The following COL22A1 variants were observed in gnomAD, a reference collection of about 807,000 sequenced individuals.
COL22A1 encodes the protein collagen alpha-1(XXII) chain.
Under a neutral mutation model 248.9 loss-of-function variants are expected in COL22A1, and 221 were observed. That is an observed-to-expected ratio of 0.89 (90% CI 0.80 to 0.99). The LOEUF (loss-of-function observed/expected upper bound fraction) is 0.99. COL22A1 is among the 50% of genes least tolerant of loss of function. The pLI, the probability that COL22A1 is intolerant of heterozygous loss-of-function variation, is 0.00. For missense variants in COL22A1, 2,240 were observed against 2,179.0 expected (o/e 1.03, Z -0.56); for synonymous variants, 891 against 793.4 (o/e 1.12, Z -2.07).
chr8:138,737,408 A>T, intron 23 of COL22A1, 116 bp downstream of exon 23: 1 of 744,026 alleles, frequency 1.3e-6, no homozygotes, highest in Middle Eastern at 2.7e-4. Context: ...TCTTTTTAAT[A>T]GTTTGATGAG....
intron 23 of COL22A1, among the ~76,000 whole-genome samples, chr8:138,732,105 G>C (rs1830754224): frequency 6.6e-6 from 1 of 152,098 alleles, no homozygotes; most frequent in Non-Finnish European, 1.5e-5. Flanking sequence ...TGGCATTTGG[G>C]TTTTCTAGGA....
At chr8:138,692,270 T>TTGTGGAGGTGTGTGTA (rs1827104402) in intron 35 of COL22A1, among the ~76,000 whole-genome samples, 1 of 42,958 alleles carries the variant, frequency 2.3e-5, no homozygotes, top group Non-Finnish European at 4.1e-5. Flanking sequence ...GTGTGCATGT[T>TTGTGGAGGTGTGTGTA]TGTGTGCACA....
chr8:138,894,535 G>A (rs1323125559), intron 1 of COL22A1, among the ~76,000 whole-genome samples: 2 of 152,180 alleles, frequency 1.3e-5, no homozygotes, highest in African/African-American at 2.4e-5. Context: ...AAATACTGAG[G>A]TAAATTTGAG....
At chr8:138,733,482 G>T (rs1830861976) in intron 23 of COL22A1, among the ~76,000 whole-genome samples, 1 of 152,154 alleles carries the variant, frequency 6.6e-6, no homozygotes. Flanking sequence ...TTAAATGAGG[G>T]TAAGCAATTT....
chr8:138,626,166 T>A, intron 51 of COL22A1, 24 bp downstream of exon 51: 1 of 1,573,486 alleles, frequency 6.4e-7, no homozygotes. Context: ...TTTTTGTTTG[T>A]TTGTTTTTAT....
At chr8:138,902,642 G>T (rs567177344) in intron 1 of COL22A1, among the ~76,000 whole-genome samples, 3 of 151,500 alleles carry the variant, frequency 2.0e-5, no homozygotes, top group South Asian at 2.1e-4. Context: ...GGAGGCAGAG[G>T]TTGCAGTGAG....
At chr8:138,692,270 T>TTGTGGAGGTGTG (rs1827104402) in intron 35 of COL22A1, among the ~76,000 whole-genome samples, 1 of 43,038 alleles carries the variant, frequency 2.3e-5, no homozygotes, top group Non-Finnish European at 4.1e-5. Context: ...GTGTGCATGT[T>TTGTGGAGGTGTG]TGTGTGCACA....
chr8:138,865,625 G>T (rs1822813251), intron 3 of COL22A1, among the ~76,000 whole-genome samples: 3 of 150,462 alleles, frequency 2.0e-5, no homozygotes, highest in African/African-American at 7.3e-5. Flanking sequence ...GTGTGTGAGT[G>T]TATGTGTATG....
At chr8:138,691,483 G>A (rs928589592) in intron 35 of COL22A1, among the ~76,000 whole-genome samples, 1 of 150,852 alleles carries the variant, frequency 6.6e-6, no homozygotes, top group East Asian at 2.0e-4. Flanking sequence ...GTTTGTGGAG[G>A]TATGTGTATG....
At chr8:138,776,124 A>C in intron 15 of COL22A1, 114 bp from the exon 16 acceptor site, 2 of 1,001,716 alleles carry the variant, frequency 2.0e-6, no homozygotes, top group Non-Finnish European at 3.2e-6. Context: ...GGTGGCAGGG[A>C]TGGTGATAGT....
chr8:138,871,024 T>A (rs1823297955), intron 3 of COL22A1, among the ~76,000 whole-genome samples: 1 of 151,888 alleles, frequency 6.6e-6, no homozygotes, highest in African/African-American at 2.4e-5. Context: ...GGTGGGAGTG[T>A]GGCCTGGAAG....
At chr8:138,821,437 C>A (rs1352327977) in intron 6 of COL22A1, 26 bp from the exon 7 acceptor site, 2 of 1,600,080 alleles carry the variant, frequency 1.2e-6, no homozygotes, top group Non-Finnish European at 1.7e-6. Context: ...CCAGAGACTC[C>A]TTGAGCTTCT....
intron 11 of COL22A1, among the ~76,000 whole-genome samples, chr8:138,798,906 C>T (rs912629669): frequency 6.6e-6 from 1 of 152,144 alleles, no homozygotes; most frequent in African/African-American, 2.4e-5. Context: ...TGCCTTCAGC[C>T]ATTATTTGTT....
chr8:138,726,080 A>G (rs1483769069), intron 23 of COL22A1, among the ~76,000 whole-genome samples: 1 of 152,154 alleles, frequency 6.6e-6, no homozygotes, highest in Non-Finnish European at 1.5e-5. Context: ...GGGCATCTTC[A>G]CGGGCCAGGA....
chr8:138,590,005 T>C (rs1397729258), intron 64 of COL22A1, among the ~76,000 whole-genome samples: 1 of 152,006 alleles, frequency 6.6e-6, no homozygotes, highest in Non-Finnish European at 1.5e-5. Context: ...AAAGACAACA[T>C]CTAGGATGCA....
chr8:138,610,172 C>T (rs557918870), intron 56 of COL22A1, among the ~76,000 whole-genome samples: 1 of 152,148 alleles, frequency 6.6e-6, no homozygotes, highest in Non-Finnish European at 1.5e-5. Context: ...ATTTCTCATC[C>T]GTGAATGCGG....
intron 1 of COL22A1, among the ~76,000 whole-genome samples, chr8:138,897,513 C>T (rs560058277): frequency 6.6e-6 from 1 of 152,026 alleles, no homozygotes; most frequent in African/African-American, 2.4e-5. Context: ...CATGCCACTG[C>T]ACTGCAGCCT....
At chr8:138,718,583 A>G (rs1353735221) in intron 27 of COL22A1, among the ~76,000 whole-genome samples, 2 of 152,224 alleles carry the variant, frequency 1.3e-5, no homozygotes, top group Admixed American at 6.5e-5. Flanking sequence ...GACTTTCACA[A>G]ATCTGCCATC....
At chr8:138,835,228 T>C (rs1271703074) in intron 4 of COL22A1, among the ~76,000 whole-genome samples, 1 of 152,238 alleles carries the variant, frequency 6.6e-6, no homozygotes, top group Non-Finnish European at 1.5e-5. Context: ...GCTGCCATTA[T>C]GTCATTTTTA....
Sources: gnomAD v4.1 joint callset for allele counts (sites outside exome capture counted in the v4.1 genomes callset) on GRCh38, gnomAD v4.1.1 for gene constraint, MANE v1.5 for transcripts, NCBI Gene and HGNC (gene_info 2026-07-23, HGNC 2026-07-21) for gene names.